IMMP2L: variants seen among roughly 807,000 people sequenced by gnomAD.
IMMP2L encodes inner mitochondrial membrane peptidase subunit 2.
IMMP2L carries 18 observed loss-of-function variants against 19.3 expected under a neutral mutation model. The observed-to-expected ratio is 0.93, with a 90% CI of 0.64 to 1.38. IMMP2L has a LOEUF of 1.38. Ranked by LOEUF, IMMP2L falls within the 40% of genes most tolerant of loss-of-function variation. The probability of loss-of-function intolerance (pLI) is 0.00; values close to 1 mark genes in which losing one functional copy is unlikely to be tolerated. For missense variants in IMMP2L, 233 were observed against 218.2 expected (o/e 1.07, Z -0.43); for synonymous variants, 76 against 73.0 (o/e 1.04, Z -0.21).
At chr7:111,478,498 C>G (rs1841909482) in intron 3 of IMMP2L, among the ~76,000 whole-genome samples, 1 of 152,020 alleles carries the variant, frequency 6.6e-6, no homozygotes, top group South Asian at 2.1e-4. Context: ...CTCACATTAT[C>G]CTTCCTCCCA....
intron 1 of IMMP2L, among the ~76,000 whole-genome samples, chr7:111,539,427 T>G (rs540039442): frequency 6.6e-6 from 1 of 152,226 alleles, no homozygotes; most frequent in African/African-American, 2.4e-5. Flanking sequence ...TCCACCCAAC[T>G]ATAAGGCATT....
At chr7:110,936,817 A>G (rs1585340465) in intron 4 of IMMP2L, among the ~76,000 whole-genome samples, 1 of 152,230 alleles carries the variant, frequency 6.6e-6, no homozygotes, top group Non-Finnish European at 1.5e-5. Flanking sequence ...TATCAATGAT[A>G]GACTAGATAA....
chr7:110,891,349 G>A (rs148264679), intron 4 of IMMP2L, among the ~76,000 whole-genome samples: 5 of 152,170 alleles, frequency 3.3e-5, no homozygotes, highest in African/African-American at 9.6e-5. Context: ...TCCACCTTCC[G>A]CTCTCAAGTG....
At chr7:111,018,851 T>C (rs1301368197) in intron 3 of IMMP2L, among the ~76,000 whole-genome samples, 1 of 149,522 alleles carries the variant, frequency 6.7e-6, no homozygotes, top group Non-Finnish European at 1.5e-5. Flanking sequence ...AGCATCAGTA[T>C]TTTTTATGAA....
At chr7:111,513,198 A>G (rs754128515) in intron 2 of IMMP2L, among the ~76,000 whole-genome samples, 4 of 152,108 alleles carry the variant, frequency 2.6e-5, no homozygotes, top group Non-Finnish European at 5.9e-5. Flanking sequence ...ATGGAAGAAA[A>G]TATTTGCAAA....
intron 3 of IMMP2L, among the ~76,000 whole-genome samples, chr7:111,355,612 G>T (rs968403847): frequency 6.6e-6 from 1 of 151,640 alleles, no homozygotes; most frequent in Non-Finnish European, 1.5e-5. Flanking sequence ...AAAAAACAGG[G>T]AAAAAATAGA....
At chr7:111,561,122 G>A (rs1791991184) in intron 1 of IMMP2L, among the ~76,000 whole-genome samples, 2 of 152,186 alleles carry the variant, frequency 1.3e-5, no homozygotes. Flanking sequence ...GAGGGAAGCA[G>A]TGTATTAAAG....
intron 3 of IMMP2L, among the ~76,000 whole-genome samples, chr7:111,112,788 C>T (rs959033227): frequency 3.3e-5 from 5 of 152,240 alleles, no homozygotes; most frequent in African/African-American, 9.6e-5. Context: ...TTATCGTCTT[C>T]CTTAGGTATA....
At chr7:111,403,979 C>CA (rs1171905431) in intron 3 of IMMP2L, among the ~76,000 whole-genome samples, 1 of 152,064 alleles carries the variant, frequency 6.6e-6, no homozygotes, top group African/African-American at 2.4e-5. Context: ...ACAACCCCCC[C>CA]ACAAACACAT....
chr7:110,937,159 AC>A (rs763694871), intron 4 of IMMP2L, among the ~76,000 whole-genome samples: 1 of 152,186 alleles, frequency 6.6e-6, no homozygotes, highest in South Asian at 2.1e-4. Flanking sequence ...TATGTAACAA[AC>A]CTGCATGTTC....
At chr7:110,981,154 T>G in intron 3 of IMMP2L, among the ~76,000 whole-genome samples, 1 of 152,204 alleles carries the variant, frequency 6.6e-6, no homozygotes, top group East Asian at 1.9e-4. Flanking sequence ...TAACTTTCCA[T>G]ACTGTGTGTT....
intron 3 of IMMP2L, among the ~76,000 whole-genome samples, chr7:111,121,950 T>C (rs1434388230): frequency 1.3e-5 from 2 of 151,746 alleles, no homozygotes; most frequent in African/African-American, 4.8e-5. Flanking sequence ...AAGCTGGAAA[T>C]CATCATTCTC....
At chr7:111,524,053 A>G (rs539597729) in intron 1 of IMMP2L, among the ~76,000 whole-genome samples, 2 of 152,242 alleles carry the variant, frequency 1.3e-5, no homozygotes, top group East Asian at 3.9e-4. Flanking sequence ...CTCCATTAAT[A>G]TAAAAGAATA....
intron 3 of IMMP2L, among the ~76,000 whole-genome samples, chr7:111,007,003 TATTA>T (rs527822706): frequency 6.6e-6 from 1 of 152,148 alleles, no homozygotes; most frequent in Non-Finnish European, 1.5e-5. Context: ...AACCTACTTG[TATTA>T]GTCAGTTTTC....
intron 4 of IMMP2L, among the ~76,000 whole-genome samples, chr7:110,915,746 T>C (rs891151468): frequency 6.6e-6 from 1 of 152,158 alleles, no homozygotes; most frequent in Admixed American, 6.5e-5. Flanking sequence ...TGAATGTACA[T>C]AACTTTTACT....
At chr7:111,447,295 G>T (rs1838586365) in intron 3 of IMMP2L, among the ~76,000 whole-genome samples, 1 of 111,244 alleles carries the variant, frequency 9.0e-6, no homozygotes, top group African/African-American at 4.1e-5. Flanking sequence ...AAATGTTAAG[G>T]GCAGCCAGAG....
At chr7:110,840,444 C>A (rs1804956382) in intron 5 of IMMP2L, among the ~76,000 whole-genome samples, 1 of 152,062 alleles carries the variant, frequency 6.6e-6, no homozygotes, top group African/African-American at 2.4e-5. Flanking sequence ...TGCTTTCAAA[C>A]AGTTTACAAT....
At chr7:110,846,636 G>C (rs1017674402) in intron 5 of IMMP2L, among the ~76,000 whole-genome samples, 1 of 152,096 alleles carries the variant, frequency 6.6e-6, no homozygotes, top group African/African-American at 2.4e-5. Flanking sequence ...AAAATGCTGA[G>C]ATTACAGGTG....
At position 111,394,958 on chromosome 7, in the gene IMMP2L, T is replaced by G. The variant is rs879080343; in HGVS notation, c.239+92280A>C. 5 of 240,764 alleles carry G rather than the reference T, an allele frequency of 2.1e-5. No homozygotes were observed. In the South Asian group the frequency reaches 3.9e-4, roughly 19 times the overall value. The allele number at this position is 240,764 out of a possible 1,614,324, so 14.9% of individuals were successfully genotyped here. A position where few individuals can be genotyped will look rare whatever the true frequency, so the allele number is the denominator to read the frequency against. ...GTCATCGAAGTGGCAAGGGTCTTTC[T>G]GAAGTATTTGAACACACTGTTATAT... On this transcript the variant is annotated intron_variant, in intron 3 of 5. Coordinates refer to ENST00000405709, the MANE Select transcript of IMMP2L (RefSeq NM_032549.4).
Sources: gnomAD v4.1 joint callset for allele counts (sites outside exome capture counted in the v4.1 genomes callset) on GRCh38, gnomAD v4.1.1 for gene constraint, MANE v1.5 for transcripts, NCBI Gene and HGNC (gene_info 2026-07-23, HGNC 2026-07-21) for gene names.